The following NEK9 variants were observed in gnomAD, a reference collection of about 807,000 sequenced individuals.
NEK9 encodes the protein serine/threonine-protein kinase Nek9.
Under a neutral mutation model 123.4 loss-of-function variants are expected in NEK9, and 75 were observed. The ratio of observed to expected loss-of-function variants is 0.61; its 90% CI spans 0.50 to 0.74. NEK9 has a LOEUF of 0.74. NEK9 is among the 30% of genes least tolerant of loss of function. NEK9 has a pLI of 0.00. For missense variants in NEK9, 952 were observed against 1,214.4 expected, an observed-to-expected ratio of 0.78 and a Z score of 3.21; for synonymous variants, 438 against 458.7, an observed-to-expected ratio of 0.95 and a Z score of 0.58.
rs140068691 is a variant in NEK9, at chr14:75,115,257, G to A, written c.763-944C>T. 6.6e-5 allele frequency among the ~76,000 whole-genome samples: 10 copies of A among 152,146 alleles called. No homozygotes were observed. In the East Asian group the frequency reaches 1.6e-3, roughly 24 times the overall value. On this transcript the variant is annotated intron_variant, in intron 6 of 21. Transcript: ENST00000238616. The stretch of plus-strand genomic sequence containing the variant: ...CAGCCTCCTGAGTAGCTGGGATTAC[G>A]GGCATGCGCCACCATGCCTGGATAA...
At chr14:75,105,415 G>C (rs574024314) in intron 13 of NEK9, among the ~76,000 whole-genome samples, 3 of 152,318 alleles carry the variant, frequency 2.0e-5, no homozygotes, top group African/African-American at 7.2e-5. Flanking sequence ...GGGTAGGTGG[G>C]AGAGATGTGA....
rs756721735 is a variant in NEK9 at position 75,121,128 on chromosome 14, A to G, written c.444T>C (p.Phe148=). 1 of 1,612,956 alleles carries G rather than the reference A, an allele frequency of 6.2e-7. No individual in the cohort carries two copies. The highest frequency in any genetic ancestry group is 2.2e-5 in the East Asian group (1 of 44,856). ...DKILRQKDKL[F]EEEMVVWYLF... ...CAGAAATATGAATTACCTCTTCCTC[A>G]AACAACTTGTCCTTCTGACGAAGGA... The change falls in exon 3 of 22, where the codon TTT becomes TTC. Residue 148 remains phenylalanine, a synonymous_variant. Coordinates refer to ENST00000238616, the MANE Select transcript of NEK9 (RefSeq NM_033116.6).
intron 2 of NEK9, among the ~76,000 whole-genome samples, chr14:75,121,839 C>T (rs1045940147): frequency 2.6e-5 from 4 of 152,080 alleles, no homozygotes; most frequent in Non-Finnish European, 5.9e-5. Context: ...CACTGCACTC[C>T]AGGCTGGGTG....
At position 75,080,806 on chromosome 14, in the gene NEK9, GA is replaced by G. The variant is rs1893849375; in HGVS notation, c.*3757del. On this transcript the variant is annotated 3_prime_UTR_variant, in exon 22 of 22. Transcript: ENST00000238616. The stretch of plus-strand genomic sequence containing the variant: ...CAGGCGCCCACCACCACGCCCGGCT[GA>G]TTTTTTGTATTTTTAGTAGAGATGG... 1 of 149,132 alleles carries G rather than the reference GA, an allele frequency of 6.7e-6. No individual in the cohort carries two copies. Among genetic ancestry groups the G allele is most frequent in the Admixed American group, 6.7e-5 (1 of 14,988 alleles). The allele number at this position is 149,132 out of a possible 1,614,324, so 9.2% of individuals were successfully genotyped here.
At chr14:75,105,571 T>C (rs1275511961) in intron 13 of NEK9, among the ~76,000 whole-genome samples, 1 of 152,248 alleles carries the variant, frequency 6.6e-6, no homozygotes, top group African/African-American at 2.4e-5. Context: ...GGTGGTCAAC[T>C]GTAGAAACAG....
intron 6 of NEK9, among the ~76,000 whole-genome samples, chr14:75,115,315 C>T (rs1007851179): frequency 6.6e-6 from 1 of 152,094 alleles, no homozygotes; most frequent in African/African-American, 2.4e-5. Flanking sequence ...CAGGGTTTCA[C>T]CATGTTGGCC....
rs561848486 is a variant in NEK9 at position 75,089,537 on chromosome 14, T to C, written c.2443-896A>G. On this transcript the variant is annotated intron_variant, in intron 19 of 21. Transcript: ENST00000238616. ...AGCCACCTCGCCCAGCCTTATTTAT[T>C]TATCTATTTATTTTTTGAGATGGAG... Among the ~76,000 whole-genome samples, 6 of 150,790 alleles carry C rather than the reference T, an allele frequency of 4.0e-5. No homozygotes were observed. The East Asian group carries it at 7.9e-4, about 20-fold the overall frequency.
intron 11 of NEK9, 83 bp from the exon 12 acceptor site, chr14:75,106,785 A>G (rs1462490029): frequency 1.0e-6 from 1 of 1,000,690 alleles, no homozygotes; most frequent in Non-Finnish European, 1.5e-6. Context: ...TGGAATGAGG[A>G]CTACCCCAGC....
At position 75,107,481 on chromosome 14, in the gene NEK9, G is replaced by T; in HGVS notation, c.1189C>A (p.Gln397Lys). 1 of 1,593,862 alleles carries T rather than the reference G, an allele frequency of 6.3e-7. No individual in the cohort carries two copies. Among genetic ancestry groups the T allele is most frequent in the South Asian group, 1.1e-5 (1 of 87,332 alleles). ...TGACCATGGAGTTTAGTGCCTCCTT[G>T]CATGTTCTGTGAAATAAAGAGGTCT... ...EKELYTWVNMQGGTKLHGQLG... is the reference protein window; with the variant it reads ...EKELYTWVNMKGGTKLHGQLG... The change falls in exon 11 of 22, where the codon CAA (glutamine) becomes AAA (lysine). Residue 397 changes from glutamine (Q) to lysine (K), a missense_variant. Gln to Lys is a moderately conservative substitution (Grantham distance 53). Around this residue, in one of 4 missense-constraint regions of NEK9, gnomAD observed 698 missense variants for 875.6 expected, o/e 0.80. Coordinates refer to ENST00000238616, the MANE Select transcript of NEK9 (RefSeq NM_033116.6).
At chr14:75,106,440 T>C in intron 12 of NEK9, 62 bp downstream of exon 12, 1 of 1,431,156 alleles carries the variant, frequency 7.0e-7, no homozygotes, top group African/African-American at 1.4e-5. Flanking sequence ...TTTAGATGCA[T>C]ACAACTTTGA....
At chr14:75,097,329 G>A in intron 16 of NEK9, 59 bp from the exon 17 acceptor site, 3 of 1,420,924 alleles carry the variant, frequency 2.1e-6, no homozygotes, top group Non-Finnish European at 2.8e-6. Context: ...CAATTCTCCG[G>A]GTTCCCCATC....
intron 16 of NEK9, among the ~76,000 whole-genome samples, chr14:75,098,085 G>A (rs1300671395): frequency 1.3e-5 from 2 of 152,188 alleles, no homozygotes; most frequent in South Asian, 2.1e-4. Context: ...ACTGATGGCA[G>A]GGGAGCAAGG....
At chr14:75,125,394 G>A (rs1895489290) in intron 1 of NEK9, among the ~76,000 whole-genome samples, 1 of 152,112 alleles carries the variant, frequency 6.6e-6, no homozygotes, top group Admixed American at 6.5e-5. Context: ...TAAATATTTG[G>A]TGATATGGAC....
At chr14:75,101,867 A>G (rs532306281) in intron 14 of NEK9, 102 bp from the exon 15 acceptor site, 1 of 753,038 alleles carries the variant, frequency 1.3e-6, no homozygotes, top group Non-Finnish European at 2.3e-6. Context: ...AGGCCTTTCA[A>G]GTAAGTTATA....
At position 75,126,802 on chromosome 14, in the gene NEK9, G is replaced by T; in HGVS notation, c.120C>A (p.Ala40=). The T allele has an allele frequency of 6.5e-7, 1 of 1,531,420 alleles. No homozygotes were observed. The allele number at this position is 1,531,420 out of a possible 1,614,324, so 94.9% of individuals were successfully genotyped here. ...PGPSASQGPR[A]GGGAAEQEEL... ...CCTCCTGCTCCGCCGCGCCGCCGCC[G>T]GCTCGCGGCCCCTGACTGGCGCTAG... The change falls in exon 1 of 22, where the codon GCC becomes GCA. Residue 40 remains alanine (A), a synonymous_variant. Coordinates refer to ENST00000238616, the MANE Select transcript of NEK9 (RefSeq NM_033116.6).
intron 4 of NEK9, among the ~76,000 whole-genome samples, chr14:75,120,179 A>C (rs1219800512): frequency 6.6e-6 from 1 of 152,214 alleles, no homozygotes; most frequent in African/African-American, 2.4e-5. Flanking sequence ...AGAATTGCCA[A>C]TTATTATTGC....
intron 10 of NEK9, among the ~76,000 whole-genome samples, chr14:75,109,095 C>T (rs1194696131): frequency 6.6e-6 from 1 of 152,122 alleles, no homozygotes; most frequent in African/African-American, 2.4e-5. Context: ...AGACTAGTTT[C>T]AATTGAGTGG....
chr14:75,122,577 T>C (rs1473865596), intron 2 of NEK9, among the ~76,000 whole-genome samples: 2 of 152,054 alleles, frequency 1.3e-5, no homozygotes, highest in African/African-American at 4.8e-5. Flanking sequence ...TGATCTCCAC[T>C]CACTGCAACC....
chr14:75,094,155 T>C (rs1894306280), intron 18 of NEK9, among the ~76,000 whole-genome samples: 1 of 152,244 alleles, frequency 6.6e-6, no homozygotes, highest in Non-Finnish European at 1.5e-5. Context: ...ATGGGCTACT[T>C]AACTATATAT....
Sources: allele counts gnomAD v4.1 joint callset (sites outside exome capture counted in the v4.1 genomes callset), GRCh38; gene constraint gnomAD v4.1.1; regional missense constraint gnomAD v4.1.1; transcripts MANE v1.5; gene names NCBI Gene and HGNC (gene_info 2026-07-23, HGNC 2026-07-21).